RNF31: variants seen among roughly 807,000 people sequenced by gnomAD.
RNF31 encodes the protein E3 ubiquitin-protein ligase RNF31.
A neutral mutation model predicts 133.6 loss-of-function variants in RNF31; 38 were observed. The observed-to-expected ratio is 0.28, with a 90% CI of 0.22 to 0.37. The LOEUF (loss-of-function observed/expected upper bound fraction) is 0.37. Among genes scored for constraint, RNF31 ranks in the 10% least tolerant of loss-of-function variants. The pLI, the probability that RNF31 is intolerant of heterozygous loss-of-function variation, is 1.00. For synonymous variants in RNF31, 582 were observed against 552.3 expected, an observed-to-expected ratio of 1.05 and a Z score of -0.75; for missense variants, 1,118 against 1,394.1, an observed-to-expected ratio of 0.80 and a Z score of 3.15.
At position 24,159,802 on chromosome 14, in the gene RNF31, A is replaced by G. The variant is rs1028049533; in HGVS notation, c.2900-62A>G. The G allele has an allele frequency of 6.7e-6, 9 of 1,340,238 alleles. No individual in the cohort carries two copies. The African/African-American group carries it at 1.3e-4, about 19-fold the overall frequency. The allele number at this position is 1,340,238 out of a possible 1,614,324, so 83.0% of individuals were successfully genotyped here. On this transcript the variant is annotated intron_variant, in intron 18 of 20. Transcript: ENST00000324103. ...GCCTTCCCTGCCTTGTGGATATCCC[A>G]GTTCTGGAGCTTTGTGGTCATTGGC...
At position 24,147,626 on chromosome 14, in the gene RNF31, C is replaced by G; in HGVS notation, c.-73C>G. The G allele has an allele frequency of 7.6e-7, 1 of 1,312,904 alleles. No individual in the cohort carries two copies. 81.3% of individuals were successfully genotyped at this position (1,312,904 alleles called of 1,614,324 possible). On this transcript the variant is annotated 5_prime_UTR_variant, in exon 1 of 21. Transcript: ENST00000324103. ...AAAGCCGGGCACCAGACGGGAGGGG[C>G]GGCGCTCGGGCCGCGCGCTGCCCGC...
In RNF31 at chr14:24,147,615, G is replaced by A; in HGVS notation, c.-84G>A. The stretch of plus-strand genomic sequence containing the variant: ...GGGTGGGCCTCAAAGCCGGGCACCA[G>A]ACGGGAGGGGCGGCGCTCGGGCCGC... On this transcript the variant is annotated 5_prime_UTR_variant, in exon 1 of 21. Coordinates refer to ENST00000324103, the MANE Select transcript of RNF31 (RefSeq NM_017999.5). The A allele has an allele frequency of 3.9e-6, 5 of 1,273,696 alleles. No individual in the cohort carries two copies. The highest frequency in any genetic ancestry group is 5.1e-6 in the Non-Finnish European group (5 of 987,862). 78.9% of individuals were successfully genotyped at this position (1,273,696 alleles called of 1,614,324 possible). A position where few individuals can be genotyped will look rare whatever the true frequency, so the allele number is the denominator to read the frequency against.
intron 16 of RNF31, 34 bp downstream of exon 16, chr14:24,157,672 G>A: frequency 6.3e-7 from 1 of 1,581,260 alleles, no homozygotes; most frequent in Non-Finnish European, 8.7e-7. Flanking sequence ...GGGTGGAAGG[G>A]TGGGGGGTGC....
chr14:24,150,412 T>G lies in RNF31; in HGVS notation c.1161T>G (p.Asp387Glu). 1.2e-6 allele frequency: 2 copies of G among 1,612,946 alleles called. No homozygotes were observed. Among genetic ancestry groups the G allele is most frequent in the Non-Finnish European group, 1.7e-6 (2 of 1,179,750 alleles). ...RLAQPPSLVV[D>E]SRDAGICLQP... ...CCCAGCCTCCCAGCTTGGTGGTGGA[T>G]TCCCGAGATGCTGGCATTTGCCTGC... Residue 387 changes from aspartate (D) to glutamate (E), a missense_variant, in exon 7 of 21, where the codon GAT becomes GAG. Asp to Glu is a conservative substitution (Grantham distance 45). Around this residue, in one of 3 missense-constraint regions of RNF31, gnomAD observed 747 missense variants for 827.9 expected, o/e 0.90. Coordinates refer to ENST00000324103, the MANE Select transcript of RNF31 (RefSeq NM_017999.5).
Position 24,148,135 on chromosome 14 carries a change from G to A in RNF31, c.339+13G>A. On this transcript the variant is annotated intron_variant, in intron 2 of 20. Coordinates refer to ENST00000324103, the MANE Select transcript of RNF31 (RefSeq NM_017999.5). Reference sequence around the variant, plus strand: ...GGATGCTGTGCAGGTGAATCCCCTGGCCTTATGGGAGAGGGGGCTGGGGTT... The same window carrying A: ...GGATGCTGTGCAGGTGAATCCCCTGACCTTATGGGAGAGGGGGCTGGGGTT... 6.2e-7 allele frequency: 1 copy of A among 1,614,104 alleles called. No homozygotes were observed. Among genetic ancestry groups the A allele is most frequent in the African/African-American group, 1.3e-5 (1 of 75,048 alleles).
Position 24,148,431 on chromosome 14 carries a change from T to G in RNF31, c.495+18T>G, listed in dbSNP as rs201959276. Reference sequence around the variant, plus strand: ...TATTGCAGGTGAGATGCTCCTCTAGTCTTGATGGACTTATGCACCAGGGCT... The same window carrying G: ...TATTGCAGGTGAGATGCTCCTCTAGGCTTGATGGACTTATGCACCAGGGCT... On this transcript the variant is annotated intron_variant, in intron 3 of 20. Transcript: ENST00000324103. 1.2e-6 allele frequency: 2 copies of G among 1,613,852 alleles called. No individual in the cohort carries two copies. Among genetic ancestry groups the G allele is most frequent in the South Asian group, 2.2e-5 (2 of 91,034 alleles).
chr14:24,146,895 G>A (rs959201049), upstream of RNF31: 336 of 489,784 alleles, frequency 6.9e-4, 1 homozygote, highest in Middle Eastern at 1.1e-3. Context: ...CCAACTGGAA[G>A]TCCAGGGTTG....
In RNF31 at chr14:24,155,088, C is replaced by T. The variant is rs1019535782; in HGVS notation, c.2131-69C>T. On this transcript the variant is annotated intron_variant, in intron 11 of 20. Coordinates refer to ENST00000324103, the MANE Select transcript of RNF31 (RefSeq NM_017999.5). The surrounding 1 kb of genome is among the most constrained non-coding windows in gnomAD (Gnocchi z 4.9). ...CCCTGATTTCTTAGTGGACACCTGG[C>T]CACTGCCTCTTCCCTAGCCTGGCAG... 2.7e-6 allele frequency: 4 copies of T among 1,492,356 alleles called. No individual in the cohort carries two copies. The highest frequency in any genetic ancestry group is 3.7e-6 in the Non-Finnish European group (4 of 1,083,098). 92.4% of individuals were successfully genotyped at this position (1,492,356 alleles called of 1,614,324 possible).
chr14:24,157,735 A>T, intron 16 of RNF31, 97 bp downstream of exon 16: 1 of 1,181,060 alleles, frequency 8.5e-7, no homozygotes, highest in Non-Finnish European at 1.3e-6. Flanking sequence ...GGAAGAGAAG[A>T]GGTCAACGGG....
rs184041158 is a variant in RNF31 at position 24,151,149 on chromosome 14, G to A, written c.1507G>A (p.Ala503Thr). The A allele has an allele frequency of 6.2e-6, 10 of 1,613,944 alleles. No individual in the cohort carries two copies. The East Asian group carries it at 1.8e-4, about 29-fold the overall frequency. ...SMIREGEAAG[A>T]CPEEIFSALQ... ...GCCTTAGGAAGGGGAAGCCGCAGGT[G>A]CCTGTCCAGAGGAGATCTTCTCGGC... Residue 503 changes from alanine (A) to threonine (T), a missense_variant, in exon 9 of 21, where the codon GCC becomes ACC. Coordinates refer to ENST00000324103, the MANE Select transcript of RNF31 (RefSeq NM_017999.5). The surrounding 1 kb of genome is among the most constrained non-coding windows in gnomAD (Gnocchi z 5.3).
chr14:24,147,915 G>A lies in RNF31; in HGVS notation c.192+25G>A, dbSNP rs140843883. On this transcript the variant is annotated intron_variant, in intron 1 of 20. Transcript: ENST00000324103. The stretch of plus-strand genomic sequence containing the variant: ...GGTGAGGCCCGGCCCCGCTTGGAAG[G>A]GGGACACCAGGGCCTGAGGCCCAGG... 203 of 1,612,784 alleles carry A rather than the reference G, an allele frequency of 1.3e-4. 1 individual carries two copies. Among genetic ancestry groups the A allele is most frequent in the South Asian group, 1.2e-3 (105 of 91,044 alleles).
At position 24,157,405 on chromosome 14, in the gene RNF31, G is replaced by C; in HGVS notation, c.2608+1G>C. 1 of 1,608,178 alleles carries C rather than the reference G, an allele frequency of 6.2e-7. No homozygotes were observed. The highest frequency in any genetic ancestry group is 8.5e-7 in the Non-Finnish European group (1 of 1,175,150). On this transcript the variant is annotated splice_donor_variant, in intron 15 of 20. Coordinates refer to ENST00000324103, the MANE Select transcript of RNF31 (RefSeq NM_017999.5). LOFTEE classifies it high-confidence loss of function. ...ATGTATCTTCAGGAAAACGGCATTGGTAAGGCCTCCCTACTCGGCCTGTTT... is the reference window on the plus strand; with the variant it reads ...ATGTATCTTCAGGAAAACGGCATTGCTAAGGCCTCCCTACTCGGCCTGTTT...
chr14:24,150,618 C>T lies in RNF31; in HGVS notation c.1218C>T (p.Ala406=), dbSNP rs749447279. The stretch of plus-strand genomic sequence containing the variant: ...CCCAGCAGGGGGATGCTTTGCTGGC[C>T]TCTGCCCAGAGTCAAGTCTGGTACT... ...QPLQQGDALL[A]SAQSQVWYCI... Residue 406 remains alanine (A), a synonymous_variant, in exon 8 of 21, where the codon GCC becomes GCT. Coordinates refer to ENST00000324103, the MANE Select transcript of RNF31 (RefSeq NM_017999.5). 2.4e-5 allele frequency: 39 copies of T among 1,611,832 alleles called. No individual in the cohort carries two copies. In the Middle Eastern group the frequency reaches 1.2e-3, roughly 48 times the overall value.
intron 16 of RNF31, 125 bp downstream of exon 16, chr14:24,157,763 C>T (rs2038367323): frequency 1.8e-6 from 2 of 1,087,444 alleles, no homozygotes; most frequent in East Asian, 4.7e-5. Context: ...GCACAACTCT[C>T]TGTCCCCTTA....
chr14:24,148,216 C>T, intron 2 of RNF31, 42 bp from the exon 3 acceptor site: 1 of 1,613,664 alleles, frequency 6.2e-7, no homozygotes, highest in Non-Finnish European at 8.5e-7. Flanking sequence ...CCCTACTAGG[C>T]AGGAAACCTC....
rs767110538 is a variant in RNF31 at position 24,148,794 on chromosome 14, T to C, written c.556-7T>C. 2.5e-6 allele frequency: 4 copies of C among 1,614,054 alleles called. No individual in the cohort carries two copies. In the East Asian group the frequency reaches 8.9e-5, roughly 36 times the overall value. On this transcript the variant is annotated splice_polypyrimidine_tract_variant and splice_region_variant and intron_variant, in intron 4 of 20. Transcript: ENST00000324103. ...CCCTTATTCATTCCCTGCCCTTTCT[T>C]TTTCAGATGCTGCAGCTTTCAGAAT...
intron 1 of RNF31, 27 bp downstream of exon 1, chr14:24,147,917 G>A (rs1371899873): frequency 1.2e-6 from 2 of 1,612,820 alleles, no homozygotes; most frequent in Admixed American, 1.7e-5. Flanking sequence ...CTTGGAAGGG[G>A]GACACCAGGG....
At chr14:24,147,141 G>A (rs188321048), upstream of RNF31, 693 of 168,744 alleles carry the variant, frequency 4.1e-3, 3 homozygotes, top group African/African-American at 0.016. Flanking sequence ...TCGCTCGAGA[G>A]GGGTTAGGGC....
In RNF31 at chr14:24,148,391, C is replaced by G; in HGVS notation, c.473C>G (p.Thr158Arg). Reference protein sequence around the residue: ...TVTLEVLLLRTELSLLLQNTH... With the variant: ...TVTLEVLLLRRELSLLLQNTH... ...ACACTGGAAGTACTGCTGCTTCGGA[C>G]AGAGCTCAGCCTGCTATTGCAGGTG... is the stretch of plus-strand genomic sequence containing the variant. Residue 158 changes from threonine (T) to arginine (R), a missense_variant, in exon 3 of 21, where the codon ACA becomes AGA. Coordinates refer to ENST00000324103, the MANE Select transcript of RNF31 (RefSeq NM_017999.5). 6.2e-7 allele frequency: 1 copy of G among 1,614,130 alleles called. No individual in the cohort carries two copies. The highest frequency in any genetic ancestry group is 1.1e-5 in the South Asian group (1 of 91,078).
Sources: gnomAD v4.1 joint callset for allele counts on GRCh38, gnomAD v4.1.1 for gene constraint, gnomAD v4.1.1 regional missense constraint, Gnocchi (gnomAD v3.1) non-coding constraint, MANE v1.5 for transcripts, NCBI Gene and HGNC (gene_info 2026-07-23, HGNC 2026-07-21) for gene names.